The following SCN11A variants were observed in gnomAD, a reference collection of about 807,000 sequenced individuals.
The protein encoded by SCN11A is sodium channel protein type 11 subunit alpha.
SCN11A carries 122 observed loss-of-function variants against 162.2 expected under a neutral mutation model. That is an observed-to-expected ratio of 0.75 (90% CI 0.65 to 0.87). The LOEUF is 0.87. Among genes scored for constraint, SCN11A ranks in the 40% least tolerant of loss-of-function variants. The pLI, the probability that SCN11A is intolerant of heterozygous loss-of-function variation, is 0.00. For missense variants in SCN11A, 2,015 were observed against 2,181.6 expected (o/e 0.92, Z 1.52); for synonymous variants, 758 against 751.5 (o/e 1.01, Z -0.14).
chr3:39,050,901 A>T (rs1293947777), intron 1 of SCN11A, among the ~76,000 whole-genome samples: 2 of 152,206 alleles, frequency 1.3e-5, no homozygotes, highest in African/African-American at 4.8e-5. Context: ...AATGACTAGC[A>T]GATACATCAT....
chr3:38,963,881 T>A (rs369940185), intron 2 of SCN11A, among the ~76,000 whole-genome samples: 7 of 152,188 alleles, frequency 4.6e-5, no homozygotes, highest in East Asian at 3.9e-4. Flanking sequence ...AGAAAAATTT[T>A]AAAAAATTAA....
At position 38,926,882 on chromosome 3, in the gene SCN11A, C is replaced by T; in HGVS notation, c.538G>A (p.Ala180Thr). ...YIFEALIKIL[A>T]RGFILDEFSF... is the part of the protein sequence containing the mutation. ...AACTCATCCAGAATGAAACCTCTTG[C>T]CAATATTTTAATCAAAGCTTCAAAA... The change falls in exon 8 of 30, where the codon GCA becomes ACA. Residue 180 changes from alanine to threonine, a missense_variant. Coordinates refer to ENST00000302328, the MANE Select transcript of SCN11A (RefSeq NM_001349253.2). 1 of 1,613,154 alleles carries T rather than the reference C, an allele frequency of 6.2e-7. No individual in the cohort carries two copies. The highest frequency in any genetic ancestry group is 1.1e-5 in the South Asian group (1 of 91,046).
At chr3:38,925,310 G>C in intron 9 of SCN11A, 105 bp downstream of exon 9, 1 of 730,752 alleles carries the variant, frequency 1.4e-6, no homozygotes, top group Non-Finnish European at 2.3e-6. Flanking sequence ...TTGTAAAGCA[G>C]GCTTTGTTTG....
intron 3 of SCN11A, among the ~76,000 whole-genome samples, chr3:38,956,031 G>A (rs2066677855): frequency 6.6e-6 from 1 of 152,122 alleles, no homozygotes; most frequent in South Asian, 2.1e-4. Flanking sequence ...CAGATCAGGA[G>A]GTCAGGAGTT....
chr3:38,872,795 TCAAG>T (rs1194130203), intron 23 of SCN11A, among the ~76,000 whole-genome samples: 4 of 151,946 alleles, frequency 2.6e-5, no homozygotes, highest in African/African-American at 9.7e-5. Context: ...CAACTTAATC[TCAAG>T]CAGTTTAGGG....
At chr3:38,892,043 G>A (rs1335134588) in intron 19 of SCN11A, among the ~76,000 whole-genome samples, 2 of 152,134 alleles carry the variant, frequency 1.3e-5, no homozygotes, top group Non-Finnish European at 1.5e-5. Context: ...AGAGAAAAGT[G>A]GTTCATCATG....
rs184283066 is a variant in SCN11A, at chr3:38,851,768, A to G, written c.4057-1017T>C. 7.9e-5 allele frequency among the ~76,000 whole-genome samples: 12 copies of G among 152,336 alleles called. No individual in the cohort carries two copies. The East Asian group carries it at 1.7e-3, about 22-fold the overall frequency. ...CTAAGAATACATCTTTAGACACCCA[A>G]GGGATCTGTTATATAATCCAGGCAA... On this transcript the variant is annotated intron_variant, in intron 28 of 29. Transcript: ENST00000302328.
chr3:38,907,120 G>C (rs2065804867), intron 14 of SCN11A, among the ~76,000 whole-genome samples: 2 of 151,682 alleles, frequency 1.3e-5, no homozygotes, highest in Admixed American at 6.6e-5. Context: ...TTTTCCCCCA[G>C]GCCCCATGAA....
At chr3:38,918,799 C>T (rs80327394) in intron 11 of SCN11A, among the ~76,000 whole-genome samples, 10,159 of 152,260 alleles carry the variant, frequency 0.067, 393 homozygotes, top group Middle Eastern at 0.11. Context: ...AAGGTCACAA[C>T]CCCATCATAC....
At chr3:38,932,977 T>C (rs1469049616) in intron 7 of SCN11A, among the ~76,000 whole-genome samples, 12 of 147,738 alleles carry the variant, frequency 8.1e-5, no homozygotes, top group South Asian at 4.4e-4. Context: ...CACCCCCCAG[T>C]AGGGGCAGAC....
chr3:39,033,641 C>T (rs923672261), intron 1 of SCN11A, among the ~76,000 whole-genome samples: 9 of 152,152 alleles, frequency 5.9e-5, no homozygotes, highest in African/African-American at 1.9e-4. Context: ...GGTCATGGCA[C>T]ATGGCTATCA....
rs544202956 is a variant in SCN11A, at chr3:38,898,014, C to T, written c.2023-789G>A. On this transcript the variant is annotated intron_variant, in intron 17 of 29. Coordinates refer to ENST00000302328, the MANE Select transcript of SCN11A (RefSeq NM_001349253.2). ...ACTTTGGGAGACTGAGGTGGGTGAT[C>T]GCTTGAGCACAGGAGAGTTCAAGAC... Among the ~76,000 whole-genome samples the T allele has an allele frequency of 3.9e-5, 6 of 152,094 alleles. No individual in the cohort carries two copies. In the East Asian group the frequency reaches 5.8e-4, roughly 15 times the overall value.
chr3:38,933,549 G>A (rs1305841264), intron 7 of SCN11A, among the ~76,000 whole-genome samples: 2 of 152,224 alleles, frequency 1.3e-5, no homozygotes, highest in East Asian at 1.9e-4. Flanking sequence ...GGAGCTGAAA[G>A]CCAAGGCTCG....
chr3:38,915,954 C>T (rs1453560744), intron 11 of SCN11A, among the ~76,000 whole-genome samples: 1 of 152,148 alleles, frequency 6.6e-6, no homozygotes, highest in Non-Finnish European at 1.5e-5. Context: ...TTGTAGGTCT[C>T]TAAGAACTTG....
chr3:38,921,142 T>A lies in SCN11A; in HGVS notation c.826A>T (p.Met276Leu), dbSNP rs755454113. The A allele has an allele frequency of 6.2e-7, 1 of 1,614,118 alleles. No homozygotes were observed. Among genetic ancestry groups the A allele is most frequent in the East Asian group, 2.2e-5 (1 of 44,884 alleles). Residue 276 changes from methionine to leucine, a missense_variant, in exon 10 of 30, where the codon ATG (methionine) becomes TTG (leucine). Transcript: ENST00000302328. ...ATGCATTTCAGGTTCAGACTTCCCA[T>A]GAAGAGCTGCTGACCTACCAGGGCA... ...IFALVGQQLFMGSLNLKCISR... is the reference protein window; with the variant it reads ...IFALVGQQLFLGSLNLKCISR...
chr3:38,921,932 A>T (rs2066059672), intron 9 of SCN11A, among the ~76,000 whole-genome samples: 1 of 152,212 alleles, frequency 6.6e-6, no homozygotes, highest in Non-Finnish European at 1.5e-5. Context: ...TTCAAGCAGG[A>T]GGCAGGAGAG....
intron 2 of SCN11A, among the ~76,000 whole-genome samples, chr3:39,004,906 G>A (rs747825142): frequency 3.4e-4 from 52 of 152,164 alleles, no homozygotes; most frequent in Non-Finnish European, 6.3e-4. Flanking sequence ...CCGAATTGTA[G>A]AAGGAAGGGC....
intron 7 of SCN11A, among the ~76,000 whole-genome samples, chr3:38,944,979 AT>A (rs1452389263): frequency 6.6e-6 from 1 of 151,110 alleles, no homozygotes; most frequent in African/African-American, 2.4e-5. Context: ...ATAAAAAAAA[AT>A]AAAAAAAGAA....
chr3:38,940,030 T>C (rs1414282597), intron 7 of SCN11A, among the ~76,000 whole-genome samples: 1 of 148,194 alleles, frequency 6.7e-6, no homozygotes, highest in Non-Finnish European at 1.5e-5. Context: ...ATATAAAATA[T>C]TGATATGTAT....
Sources: allele counts gnomAD v4.1 joint callset (sites outside exome capture counted in the v4.1 genomes callset), GRCh38; gene constraint gnomAD v4.1.1; transcripts MANE v1.5; gene names NCBI Gene and HGNC (gene_info 2026-07-23, HGNC 2026-07-21).